The following CDH20 variants were observed in gnomAD, a reference collection of about 807,000 sequenced individuals.
The protein encoded by CDH20 is cadherin-20.
Under a neutral mutation model 74.2 loss-of-function variants are expected in CDH20, and 29 were observed. The observed-to-expected ratio is 0.39, with a 90% CI of 0.29 to 0.53. The LOEUF (loss-of-function observed/expected upper bound fraction) is 0.53. Among genes scored for constraint, CDH20 ranks in the 20% least tolerant of loss-of-function variants. The probability of loss-of-function intolerance (pLI) is 0.69; values close to 1 mark genes in which losing one functional copy is unlikely to be tolerated. For missense variants in CDH20, 988 were observed against 1,048.3 expected (o/e 0.94, Z 0.79); for synonymous variants, 469 against 405.4 (o/e 1.16, Z -1.88).
rs1011369119 is a variant in CDH20, at chr18:61,554,466, T to G, written c.2177T>G (p.Val726Gly). ...GTGAACAGCACTGTCCACAGCTACG[T>G]GCTGGCCAAGCTCTACGAGGCCGAC... ...CAVNSTVHSY[V>G]LAKLYEADMD... The change falls in exon 12 of 12, where the codon GTG becomes GGG. Residue 726 changes from valine (V) to glycine (G), a missense_variant. Around this residue, in one of 2 missense-constraint regions of CDH20, gnomAD observed 375 missense variants for 293.1 expected, o/e 1.28. Coordinates refer to ENST00000262717, the MANE Select transcript of CDH20 (RefSeq NM_031891.4). The G allele has an allele frequency of 1.2e-6, 2 of 1,613,242 alleles. No individual in the cohort carries two copies. The highest frequency in any genetic ancestry group is 1.1e-5 in the South Asian group (1 of 91,034).
At chr18:61,347,345 CACACACAT>C (rs1193749112) in intron 1 of CDH20, among the ~76,000 whole-genome samples, 119 of 139,068 alleles carry the variant, frequency 8.6e-4, no homozygotes, top group African/African-American at 3.2e-3. Context: ...CACACACACA[CACACACAT>C]ATATATATAC....
intron 1 of CDH20, among the ~76,000 whole-genome samples, chr18:61,377,429 T>C (rs1362194888): frequency 6.6e-6 from 1 of 151,896 alleles, no homozygotes; most frequent in African/African-American, 2.4e-5. Flanking sequence ...TTCCATTACT[T>C]GTATCTTGTT....
intron 1 of CDH20, among the ~76,000 whole-genome samples, chr18:61,344,235 C>G (rs1044017432): frequency 6.6e-6 from 1 of 152,194 alleles, no homozygotes; most frequent in Non-Finnish European, 1.5e-5. Flanking sequence ...TTGCCATAGG[C>G]CAAGCCCTGT....
At position 61,479,276 on chromosome 18, in the gene CDH20, T is replaced by C. The variant is rs141869205; in HGVS notation, c.-152-11126T>C. ...AATAAAAGGAAAAACCATCCCCTGC[T>C]CCAACCTCAAAACCCAATCTCAAAA... On this transcript the variant is annotated intron_variant, in intron 1 of 11. Coordinates refer to ENST00000262717, the MANE Select transcript of CDH20 (RefSeq NM_031891.4). Among the ~76,000 whole-genome samples the C allele has an allele frequency of 4.5e-3, 680 of 152,208 alleles. 3 individuals carry two copies. The highest frequency in any genetic ancestry group is 0.016 in the African/African-American group (645 of 41,540).
intron 1 of CDH20, among the ~76,000 whole-genome samples, chr18:61,432,671 G>T (rs901426558): frequency 1.3e-5 from 2 of 152,184 alleles, no homozygotes; most frequent in Admixed American, 1.3e-4. Context: ...GCCACCCCTA[G>T]GGGAAGGGGT....
intron 1 of CDH20, among the ~76,000 whole-genome samples, chr18:61,366,338 A>G (rs1345727824): frequency 6.6e-6 from 1 of 152,176 alleles, no homozygotes; most frequent in Non-Finnish European, 1.5e-5. Flanking sequence ...GTTAGAAGGA[A>G]AGGGCTTTTA....
chr18:61,549,430 G>T (rs1271661106), intron 10 of CDH20, among the ~76,000 whole-genome samples: 1 of 152,182 alleles, frequency 6.6e-6, no homozygotes, highest in African/African-American at 2.4e-5. Context: ...AAATGAGCAG[G>T]TTCTTTAGGA....
At chr18:61,549,372 A>G (rs1375516227) in intron 10 of CDH20, among the ~76,000 whole-genome samples, 3 of 152,242 alleles carry the variant, frequency 2.0e-5, no homozygotes, top group East Asian at 3.8e-4. Flanking sequence ...CCCAGGAGAA[A>G]TAACAAGGTG....
chr18:61,505,203 T>G (rs1442009354), intron 5 of CDH20, among the ~76,000 whole-genome samples: 1 of 152,152 alleles, frequency 6.6e-6, no homozygotes, highest in Admixed American at 6.6e-5. Context: ...GCTCAGGTTA[T>G]TACATAGCTC....
chr18:61,378,186 G>T (rs1175059137), intron 1 of CDH20, among the ~76,000 whole-genome samples: 1 of 152,148 alleles, frequency 6.6e-6, no homozygotes, highest in Non-Finnish European at 1.5e-5. Flanking sequence ...AATATAATAG[G>T]TGTATGAAAC....
chr18:61,445,054 A>G (rs1461061456), intron 1 of CDH20, among the ~76,000 whole-genome samples: 1 of 152,162 alleles, frequency 6.6e-6, no homozygotes, highest in Non-Finnish European at 1.5e-5. Flanking sequence ...CTTCATTACT[A>G]TCTTCTACTA....
chr18:61,478,123 C>T (rs976941953), intron 1 of CDH20, among the ~76,000 whole-genome samples: 3 of 150,644 alleles, frequency 2.0e-5, no homozygotes, highest in Non-Finnish European at 1.5e-5. Context: ...CACTTGAACC[C>T]AAAAGGTGGA....
At chr18:61,537,818 G>T (rs888616279) in intron 8 of CDH20, among the ~76,000 whole-genome samples, 1 of 152,134 alleles carries the variant, frequency 6.6e-6, no homozygotes, top group Non-Finnish European at 1.5e-5. Context: ...AAGTATTTAG[G>T]GGGGAAAGAG....
chr18:61,462,675 G>A (rs1428605399), intron 1 of CDH20, among the ~76,000 whole-genome samples: 1 of 134,628 alleles, frequency 7.4e-6, no homozygotes, highest in African/African-American at 2.8e-5. Flanking sequence ...AGTTGTTAAT[G>A]TAAGATGCCT....
chr18:61,371,953 A>G (rs979594092), intron 1 of CDH20, among the ~76,000 whole-genome samples: 1 of 152,054 alleles, frequency 6.6e-6, no homozygotes, highest in Non-Finnish European at 1.5e-5. Flanking sequence ...TTTCTCCCTC[A>G]TACTTTAAGG....
At position 61,554,383 on chromosome 18, in the gene CDH20, G is replaced by A. The variant is rs118077394; in HGVS notation, c.2094G>A (p.Arg698=). ...AGGCGGGGGCCGCCCCCAAGACGCG[G>A]CAGGACATGCTGCCCGAGATCGAGA... ...EAQAGAAPKT[R]QDMLPEIESL... Residue 698 remains arginine (R), a synonymous_variant, in exon 12 of 12, where the codon CGG becomes CGA. Coordinates refer to ENST00000262717, the MANE Select transcript of CDH20 (RefSeq NM_031891.4). 248 of 1,612,930 alleles carry A rather than the reference G, an allele frequency of 1.5e-4. 2 individuals carry two copies. In the East Asian group the frequency reaches 5.5e-3, roughly 36 times the overall value.
intron 9 of CDH20, among the ~76,000 whole-genome samples, chr18:61,539,393 C>T (rs1267009080): frequency 6.6e-6 from 1 of 152,120 alleles, no homozygotes; most frequent in East Asian, 1.9e-4. Context: ...ATAGTTTGAG[C>T]CCAGGAGTTT....
intron 1 of CDH20, among the ~76,000 whole-genome samples, chr18:61,463,922 A>G (rs1909868274): frequency 1.3e-5 from 2 of 152,160 alleles, no homozygotes; most frequent in Non-Finnish European, 2.9e-5. Flanking sequence ...GCCCAGAAGT[A>G]TCATTTCTCC....
Position 61,454,833 on chromosome 18 carries a change from G to A in CDH20, c.-152-35569G>A, listed in dbSNP as rs944680991. On this transcript the variant is annotated intron_variant, in intron 1 of 11. Transcript: ENST00000262717. ...CCCTGCAGCATAAAACAGCATCCTC[G>A]GGGTTTGTAGGTCCCCATTGTGGTA... Among the ~76,000 whole-genome samples, 7 of 152,280 alleles carry A rather than the reference G, an allele frequency of 4.6e-5. 1 individual carries two copies. Among genetic ancestry groups the A allele is most frequent in the Admixed American group, 3.3e-4 (5 of 15,294 alleles).
Sources: allele counts gnomAD v4.1 joint callset (sites outside exome capture counted in the v4.1 genomes callset), GRCh38; gene constraint gnomAD v4.1.1; regional missense constraint gnomAD v4.1.1; transcripts MANE v1.5; gene names NCBI Gene and HGNC (gene_info 2026-07-23, HGNC 2026-07-21).